FTCD: variants seen among roughly 807,000 people sequenced by gnomAD.
FTCD encodes the protein formimidoyltransferase-cyclodeaminase.
A neutral mutation model predicts 62.9 loss-of-function variants in FTCD; 76 were observed. The observed-to-expected ratio is 1.21, with a 90% CI of 1.00 to 1.46. The LOEUF is 1.46. FTCD is among the 40% of genes most tolerant of loss of function. The pLI is 0.00. For synonymous variants in FTCD, 397 were observed against 336.9 expected, an observed-to-expected ratio of 1.18 and a Z score of -1.95; for missense variants, 845 against 751.3, an observed-to-expected ratio of 1.12 and a Z score of -1.46.
In FTCD at chr21:46,145,548, T is replaced by C; in HGVS notation, c.1129A>G (p.Met377Val). 1.9e-6 allele frequency: 3 copies of C among 1,545,320 alleles called. No homozygotes were observed. The highest frequency in any genetic ancestry group is 2.6e-6 in the Non-Finnish European group (3 of 1,144,758). Reference protein sequence around the residue: ...GAALGSMVGLMTYGRRQFQSL... With the variant: ...GAALGSMVGLVTYGRRQFQSL... ...TGGAATTGGCGCCGCCCGTAGGTCA[T>C]GAGGCCCACCATGGAGCCCAGCGCC... Residue 377 changes from methionine to valine, a missense_variant, in exon 10 of 14, where the codon ATG becomes GTG. By Grantham distance (21) the Met-to-Val change is conservative. Coordinates refer to ENST00000397746, the MANE Select transcript of FTCD (RefSeq NM_206965.2).
chr21:46,152,056 G>A (rs1035033867), intron 3 of FTCD, 76 bp from the exon 4 acceptor site: 3 of 1,051,938 alleles, frequency 2.9e-6, no homozygotes, highest in South Asian at 1.4e-5. Flanking sequence ...GCAGGTGGAG[G>A]GGCTCCCTCC....
At chr21:46,143,493 G>T (rs1316051238) in intron 10 of FTCD, among the ~76,000 whole-genome samples, 1 of 152,100 alleles carries the variant, frequency 6.6e-6, no homozygotes, top group Non-Finnish European at 1.5e-5. Flanking sequence ...ATAGATCATA[G>T]ATATGATTAT....
chr21:46,147,599 A>T (rs1393951747), intron 7 of FTCD, among the ~76,000 whole-genome samples: 2 of 152,192 alleles, frequency 1.3e-5, no homozygotes, highest in Non-Finnish European at 2.9e-5. Flanking sequence ...CCACGGGCAC[A>T]GCCAGACCTG....
Position 46,146,276 on chromosome 21 carries a change from G to C in FTCD, c.958C>G (p.Arg320Gly). 6.2e-7 allele frequency: 1 copy of C among 1,600,744 alleles called. No individual in the cohort carries two copies. Among genetic ancestry groups the C allele is most frequent in the East Asian group, 2.2e-5 (1 of 44,532 alleles). Residue 320 changes from arginine to glycine, a missense_variant, in exon 8 of 14, where the codon CGG becomes GGG. Physicochemically the swap from Arg to Gly is moderately radical, Grantham distance 125. Coordinates refer to ENST00000397746, the MANE Select transcript of FTCD (RefSeq NM_206965.2). ...DSLCPFSPKE[R>G]IIEYLVPERG... ...AGGGCAGAGGCTCACTCGATGATCC[G>C]CTCCTTAGGGCTGAAGGGGCACAGG...
chr21:46,146,136 C>A, intron 8 of FTCD, 130 bp downstream of exon 8: 1 of 790,072 alleles, frequency 1.3e-6, no homozygotes, highest in Non-Finnish European at 2.1e-6. Context: ...TGGCGCAGGC[C>A]GAGTAGGCGC....
Position 46,145,817 on chromosome 21 carries a change from C to T in FTCD, c.1098+1G>A. 1 of 1,152,614 alleles carries T rather than the reference C, an allele frequency of 8.7e-7. No homozygotes were observed. 71.4% of individuals were successfully genotyped at this position (1,152,614 alleles called of 1,614,324 possible). A position where few individuals can be genotyped will look rare whatever the true frequency, so the allele number is the denominator to read the frequency against. On this transcript the variant is annotated splice_donor_variant, in intron 9 of 13. Coordinates refer to ENST00000397746, the MANE Select transcript of FTCD (RefSeq NM_206965.2). LOFTEE classifies it high-confidence loss of function. ...TCCCCTGCCCCTCCCCCCGCGCTCA[C>T]CATGGCCGCAGCGGCCGCCGCCACC...
rs138762824 is a variant in FTCD, at chr21:46,151,726, G to T, written c.468C>A (p.Ala156=). 3 of 1,612,732 alleles carry T rather than the reference G, an allele frequency of 1.9e-6. No individual in the cohort carries two copies. Among genetic ancestry groups the T allele is most frequent in the African/African-American group, 2.7e-5 (2 of 74,942 alleles). The part of the protein sequence containing the change: ...YEALPKKLQQ[A]DWAPDFGPSS... ...TGGGACCAAAGTCGGGCGCCCAGTC[G>T]GCCTGCTGGAGCTGTGAGCAAGTTC... is the stretch of plus-strand genomic sequence containing the variant. The change falls in exon 5 of 14, where the codon GCC becomes GCA. Residue 156 remains alanine (A), a synonymous_variant. Coordinates refer to ENST00000397746, the MANE Select transcript of FTCD (RefSeq NM_206965.2).
chr21:46,148,350 G>A (rs1295168268), intron 7 of FTCD, among the ~76,000 whole-genome samples: 4 of 152,156 alleles, frequency 2.6e-5, no homozygotes, highest in Non-Finnish European at 4.4e-5. Flanking sequence ...CTGGCTGGGC[G>A]TGTTGGTGCA....
At chr21:46,151,824 C>T in intron 4 of FTCD, 68 bp downstream of exon 4, 1 of 1,568,172 alleles carries the variant, frequency 6.4e-7, no homozygotes, top group Non-Finnish European at 8.7e-7. Flanking sequence ...CCCGGCCCAG[C>T]CACCCCAGCC....
intron 12 of FTCD, 113 bp downstream of exon 12, chr21:46,138,395 A>T: frequency 9.9e-7 from 1 of 1,005,310 alleles, no homozygotes; most frequent in Non-Finnish European, 1.5e-6. Flanking sequence ...CCGTGAAGTG[A>T]GGTCTCCCTA....
At position 46,152,951 on chromosome 21, in the gene FTCD, G is replaced by T; in HGVS notation, c.323C>A (p.Ala108Asp). Reference protein sequence around the residue: ...GVSVDECVLCAQAFGQRLAEE... With the variant: ...GVSVDECVLCDQAFGQRLAEE... Reference sequence around the variant, plus strand: ...TGCCAGCCTCTGGCCAAAGGCCTGGGCGCAGAGCACACACTCATCCACGCT... The same window carrying T: ...TGCCAGCCTCTGGCCAAAGGCCTGGTCGCAGAGCACACACTCATCCACGCT... Residue 108 changes from alanine to aspartate, a missense_variant, in exon 3 of 14, where the codon GCC becomes GAC. Transcript: ENST00000397746. The T allele has an allele frequency of 6.4e-7, 1 of 1,563,354 alleles. No individual in the cohort carries two copies. Among genetic ancestry groups the T allele is most frequent in the Non-Finnish European group, 8.7e-7 (1 of 1,154,168 alleles).
intron 10 of FTCD, chr21:46,142,765 G>T (rs1422310074): frequency 6.6e-6 from 1 of 152,202 alleles, no homozygotes; most frequent in African/African-American, 2.4e-5. Context: ...CCCACATCCT[G>T]CTGATTGGTC....
intron 8 of FTCD, 58 bp from the exon 9 acceptor site, chr21:46,146,005 C>G: frequency 1.8e-6 from 2 of 1,104,464 alleles, no homozygotes; most frequent in Non-Finnish European, 2.5e-6. Context: ...GAGCGCAGTC[C>G]TCCCGGGGCG....
At chr21:46,151,808 G>T (rs1475677627) in intron 4 of FTCD, 71 bp from the exon 5 acceptor site, 1 of 1,586,780 alleles carries the variant, frequency 6.3e-7, no homozygotes, top group Admixed American at 1.7e-5. Flanking sequence ...TCCCGGGAAG[G>T]AGGGGCCCGG....
In FTCD at chr21:46,151,666, C is replaced by A; in HGVS notation, c.528G>T (p.Thr176=). ...AAGCAATGAGGAACTTCCTCGCCCC[C>A]GTGGCCGTGGCCCCCCAACTGGGGA... ...SFVPSWGATA[T]GARKFLIAFN... is the part of the protein sequence containing the mutation. Residue 176 remains threonine (T), a synonymous_variant, in exon 5 of 14, where the codon ACG becomes ACT. Transcript: ENST00000397746. 1.2e-6 allele frequency: 2 copies of A among 1,613,016 alleles called. No homozygotes were observed. The highest frequency in any genetic ancestry group is 1.1e-5 in the South Asian group (1 of 91,090).
In FTCD at chr21:46,139,039, T is replaced by C. The variant is rs571962146; in HGVS notation, c.1261-116A>G. Reference sequence around the variant, plus strand: ...ATGTCCCAGGCAGGGACCAGTTCTCTGGGAACCAAGCTTCTGTTGGGCCAG... The same window carrying C: ...ATGTCCCAGGCAGGGACCAGTTCTCCGGGAACCAAGCTTCTGTTGGGCCAG... On this transcript the variant is annotated intron_variant, in intron 10 of 13. Coordinates refer to ENST00000397746, the MANE Select transcript of FTCD (RefSeq NM_206965.2). 17 of 819,902 alleles carry C rather than the reference T, an allele frequency of 2.1e-5. No homozygotes were observed. In the East Asian group the frequency reaches 3.7e-4, roughly 18 times the overall value. The allele number at this position is 819,902 out of a possible 1,614,324, so 50.8% of individuals were successfully genotyped here. A position where few individuals can be genotyped will look rare whatever the true frequency, so the allele number is the denominator to read the frequency against.
rs373776321 is a variant in FTCD at position 46,151,921 on chromosome 21, C to T, written c.427G>A (p.Ala143Thr). 6.4e-7 allele frequency: 1 copy of T among 1,570,158 alleles called. No homozygotes were observed. Among genetic ancestry groups the T allele is most frequent in the Non-Finnish European group, 8.6e-7 (1 of 1,158,226 alleles). ...TTAGGGAGGGCCTCGTACTCCCCGG[C>T]CCGGATGGCCGGCAGGGTCCGGCGA... Reference protein sequence around the residue: ...DSRRTLPAIRAGEYEALPKKL... With the variant: ...DSRRTLPAIRTGEYEALPKKL... Residue 143 changes from alanine (A) to threonine (T), a missense_variant, in exon 4 of 14, where the codon GCC (alanine) becomes ACC (threonine). Coordinates refer to ENST00000397746, the MANE Select transcript of FTCD (RefSeq NM_206965.2).
At chr21:46,149,415 A>G (rs1443525606) in intron 7 of FTCD, among the ~76,000 whole-genome samples, 2 of 152,250 alleles carry the variant, frequency 1.3e-5, no homozygotes, top group African/African-American at 4.8e-5. Context: ...CTAAACAAGG[A>G]CGGAATCCAC....
intron 3 of FTCD, chr21:46,152,498 C>T (rs763868181): frequency 3.0e-5 from 6 of 200,026 alleles, no homozygotes. Flanking sequence ...TGACTGTGAC[C>T]TACGTCCCTG....
Sources: gnomAD v4.1 joint callset for allele counts (sites outside exome capture counted in the v4.1 genomes callset) on GRCh38, gnomAD v4.1.1 for gene constraint, MANE v1.5 for transcripts, NCBI Gene and HGNC (gene_info 2026-07-23, HGNC 2026-07-21) for gene names.